DGKH: variants seen among roughly 807,000 people sequenced by gnomAD.
DGKH encodes diacylglycerol kinase eta.
In DGKH, 90 loss-of-function variants were observed where a neutral mutation model predicts 159.3. The observed-to-expected ratio is 0.57, with a 90% CI of 0.48 to 0.67. The LOEUF (loss-of-function observed/expected upper bound fraction) is 0.67, where lower values mean the gene tolerates loss of function less well. Ranked by LOEUF, DGKH falls within the 30% of genes least tolerant of loss-of-function variation. The pLI is 0.00. For synonymous variants in DGKH, 536 were observed against 553.8 expected (o/e 0.97, Z 0.45); for missense variants, 1,181 against 1,506.1 (o/e 0.78, Z 3.57).
chr13:42,213,912 C>G (rs1285554302), intron 24 of DGKH, among the ~76,000 whole-genome samples: 1 of 152,150 alleles, frequency 6.6e-6, no homozygotes, highest in African/African-American at 2.4e-5. Flanking sequence ...GAGTATGGCA[C>G]AACAGGCTTT....
At chr13:42,063,982 A>G (rs940782295) in intron 1 of DGKH, among the ~76,000 whole-genome samples, 2 of 151,920 alleles carry the variant, frequency 1.3e-5, no homozygotes, top group African/African-American at 4.8e-5. Flanking sequence ...GCTGAGGAGA[A>G]TAATCTAGCT....
intron 1 of DGKH, among the ~76,000 whole-genome samples, chr13:42,064,158 T>C (rs1882392924): frequency 6.6e-6 from 1 of 151,980 alleles, no homozygotes; most frequent in African/African-American, 2.4e-5. Context: ...GGGGCAGAGG[T>C]TGGCACTTCT....
rs1189389191 is a variant in DGKH, at chr13:42,237,211, T to C, written c.*8023T>C. The C allele has an allele frequency of 1.3e-5, 2 of 152,146 alleles. No homozygotes were observed. Among genetic ancestry groups the C allele is most frequent in the African/African-American group, 4.8e-5 (2 of 41,428 alleles). 9.4% of individuals were successfully genotyped at this position (152,146 alleles called of 1,614,324 possible). On this transcript the variant is annotated 3_prime_UTR_variant, in exon 30 of 30. Coordinates refer to ENST00000337343, the MANE Select transcript of DGKH (RefSeq NM_178009.5). ...GTTTTGACTTAATGTGAAGCAGGGG[T>C]TTACCAAAGAAAATTGCTTTAATAA...
intron 30 of DGKH, among the ~76,000 whole-genome samples, chr13:42,253,993 CAAA>C (rs199651278): frequency 0.02 from 2,067 of 105,026 alleles, 29 homozygotes; most frequent in East Asian, 0.053. Flanking sequence ...AGTGGGTTAC[CAAA>C]AAAAAAAAAA....
At chr13:42,187,448 C>G (rs373445951) in intron 14 of DGKH, among the ~76,000 whole-genome samples, 9 of 152,126 alleles carry the variant, frequency 5.9e-5, no homozygotes, top group African/African-American at 2.2e-4. Context: ...GCTCTCTCTA[C>G]TCACTGCAAC....
Position 42,241,920 on chromosome 13 carries a change from C to T in DGKH, c.*12732C>T, listed in dbSNP as rs1958521133. The T allele has an allele frequency of 1.3e-5, 2 of 152,120 alleles. No homozygotes were observed. Among genetic ancestry groups the T allele is most frequent in the Admixed American group, 6.5e-5 (1 of 15,274 alleles). The allele number at this position is 152,120 out of a possible 1,614,324, so 9.4% of individuals were successfully genotyped here. A position where few individuals can be genotyped will look rare whatever the true frequency, so the allele number is the denominator to read the frequency against. On this transcript the variant is annotated 3_prime_UTR_variant, in exon 30 of 30. Transcript: ENST00000337343. ...CTTCATGAGAAGGAAAAAACTGTAT[C>T]TTTATTGTCAGTAAGTGTGGAAAAA...
chr13:42,162,976 A>G (rs1352250340), intron 7 of DGKH, among the ~76,000 whole-genome samples: 3 of 151,156 alleles, frequency 2.0e-5, no homozygotes, highest in Admixed American at 2.0e-4. Flanking sequence ...CTCATCATTT[A>G]GCATTAGGTA....
intron 17 of DGKH, among the ~76,000 whole-genome samples, chr13:42,195,277 G>A (rs1392230168): frequency 6.6e-6 from 1 of 152,132 alleles, no homozygotes; most frequent in African/African-American, 2.4e-5. Flanking sequence ...AAGATGGGCA[G>A]ATCACAAGGT....
chr13:42,162,364 T>A (rs897935085), intron 7 of DGKH, among the ~76,000 whole-genome samples: 7 of 151,828 alleles, frequency 4.6e-5, no homozygotes, highest in Non-Finnish European at 1.0e-4. Flanking sequence ...TACAAAAAAA[T>A]TAGCTGGGCA....
intron 1 of DGKH, among the ~76,000 whole-genome samples, chr13:42,065,675 G>C (rs1882509643): frequency 6.6e-6 from 1 of 152,178 alleles, no homozygotes; most frequent in African/African-American, 2.4e-5. Context: ...GTTGAAGGGA[G>C]AGGCGAATAT....
At chr13:42,204,584 A>C (rs1025895835) in intron 20 of DGKH, among the ~76,000 whole-genome samples, 4 of 152,214 alleles carry the variant, frequency 2.6e-5, no homozygotes, top group Non-Finnish European at 4.4e-5. Context: ...CTGATGGTGA[A>C]CATTTTTTGC....
chr13:42,199,450 T>A (rs1957294088), intron 18 of DGKH, 116 bp from the exon 19 acceptor site: 2 of 682,840 alleles, frequency 2.9e-6, no homozygotes, highest in Admixed American at 3.4e-5. Flanking sequence ...TGCTAAGTTT[T>A]ACAATCTGCT....
intron 1 of DGKH, among the ~76,000 whole-genome samples, chr13:42,068,739 A>G (rs1169634319): frequency 6.6e-6 from 1 of 152,176 alleles, no homozygotes; most frequent in Non-Finnish European, 1.5e-5. Context: ...TTCATTTTGC[A>G]AATGACATGT....
intron 1 of DGKH, among the ~76,000 whole-genome samples, chr13:42,107,739 C>T (rs1010629110): frequency 2.0e-5 from 3 of 151,922 alleles, no homozygotes; most frequent in Non-Finnish European, 2.9e-5. Context: ...AAGGACAGAT[C>T]GTAGACAGGC....
At position 42,234,837 on chromosome 13, in the gene DGKH, C is replaced by G. The variant is rs968946927; in HGVS notation, c.*5649C>G. 1 of 152,176 alleles carries G rather than the reference C, an allele frequency of 6.6e-6. No individual in the cohort carries two copies. The highest frequency in any genetic ancestry group is 2.4e-5 in the African/African-American group (1 of 41,450). The allele number at this position is 152,176 out of a possible 1,614,324, so 9.4% of individuals were successfully genotyped here. On this transcript the variant is annotated 3_prime_UTR_variant, in exon 30 of 30. Coordinates refer to ENST00000337343, the MANE Select transcript of DGKH (RefSeq NM_178009.5). ...CATCCCCTGATTGACTTTTGTATAG[C>G]AACCTCTGTGTCAAGTCAGTAATAT...
Position 42,105,587 on chromosome 13 carries a change from G to C in DGKH, c.193-21876G>C, listed in dbSNP as rs190126232. On this transcript the variant is annotated intron_variant, in intron 1 of 29. Coordinates refer to ENST00000337343, the MANE Select transcript of DGKH (RefSeq NM_178009.5). Reference sequence around the variant, plus strand: ...TTCTGCTACTTTGATGTGGACTTCTGCTTTCTTATCTGGAAAAGTATTGTC... The same window carrying C: ...TTCTGCTACTTTGATGTGGACTTCTCCTTTCTTATCTGGAAAAGTATTGTC... 1.6e-3 allele frequency among the ~76,000 whole-genome samples: 237 copies of C among 152,264 alleles called. 1 individual carries two copies. Among genetic ancestry groups the C allele is most frequent in the African/African-American group, 5.5e-3 (228 of 41,554 alleles).
intron 6 of DGKH, 93 bp from the exon 7 acceptor site, chr13:42,159,918 C>T: frequency 3.2e-6 from 5 of 1,577,708 alleles, no homozygotes; most frequent in Non-Finnish European, 4.3e-6. Flanking sequence ...GTACTACTGA[C>T]CCTCTAGAGT....
intron 1 of DGKH, among the ~76,000 whole-genome samples, chr13:42,123,925 G>A (rs1330133608): frequency 2.0e-5 from 3 of 152,200 alleles, no homozygotes; most frequent in Non-Finnish European, 2.9e-5. Context: ...AAAGTTTTGA[G>A]TGTGGCGAAT....
rs58307947 is a variant in DGKH at position 42,112,284 on chromosome 13, C to CTTTTTT, written c.193-15167_193-15162dup. 3.1e-4 allele frequency among the ~76,000 whole-genome samples: 38 copies of CTTTTTT among 122,816 alleles called. 1 individual carries two copies. The highest frequency in any genetic ancestry group is 1.0e-3 in the African/African-American group (32 of 30,794). 80.6% of individuals were successfully genotyped at this position (122,816 alleles called of 152,430 possible). A position where few individuals can be genotyped will look rare whatever the true frequency, so the allele number is the denominator to read the frequency against. On this transcript the variant is annotated intron_variant, in intron 1 of 29. Transcript: ENST00000337343. ...CAATGCATACCATCTAGCCTTGTGG[C>CTTTTTT]TTTTTTTTTTTTTTTTTGACTTAGT... is the stretch of plus-strand genomic sequence containing the variant.
Sources: gnomAD v4.1 joint callset for allele counts (sites outside exome capture counted in the v4.1 genomes callset) on GRCh38, gnomAD v4.1.1 for gene constraint, MANE v1.5 for transcripts, NCBI Gene and HGNC (gene_info 2026-07-23, HGNC 2026-07-21) for gene names.